CXCL13: variants seen among roughly 807,000 people sequenced by gnomAD.
CXCL13 encodes the protein C-X-C motif chemokine 13.
Under a neutral mutation model 12.2 loss-of-function variants are expected in CXCL13, and 7 were observed. The ratio of observed to expected loss-of-function variants is 0.57; its 90% CI spans 0.33 to 1.07. CXCL13 has a LOEUF of 1.07. CXCL13 is among the 50% of genes least tolerant of loss of function. The probability of loss-of-function intolerance (pLI) is 0.04; values close to 1 mark genes in which losing one functional copy is unlikely to be tolerated. For missense variants in CXCL13, 113 were observed against 127.4 expected (o/e 0.89, Z 0.55); for synonymous variants, 47 against 42.4 (o/e 1.11, Z -0.42).
intron 1 of CXCL13, among the ~76,000 whole-genome samples, chr4:77,522,919 C>G (rs1259596252): frequency 6.6e-6 from 1 of 152,116 alleles, no homozygotes; most frequent in Non-Finnish European, 1.5e-5. Flanking sequence ...GACAAAATCT[C>G]TCAGCATTTG....
chr4:77,516,738 G>C (rs992422557), intron 1 of CXCL13, among the ~76,000 whole-genome samples: 3 of 151,626 alleles, frequency 2.0e-5, no homozygotes, highest in Admixed American at 2.0e-4. Flanking sequence ...TATCAATTTT[G>C]TTGATCCATT....
chr4:77,569,515 A>T (rs186605741), intron 1 of CXCL13, among the ~76,000 whole-genome samples: 2 of 152,286 alleles, frequency 1.3e-5, no homozygotes, highest in East Asian at 3.9e-4. Flanking sequence ...CCCATTCCCA[A>T]CTGCCACACA....
intron 1 of CXCL13, among the ~76,000 whole-genome samples, chr4:77,521,501 T>C (rs1724596652): frequency 6.6e-6 from 1 of 152,180 alleles, no homozygotes; most frequent in South Asian, 2.1e-4. Context: ...GGTTTATTTG[T>C]GTAGAGGTGT....
At chr4:77,518,054 A>G (rs910263430) in intron 1 of CXCL13, among the ~76,000 whole-genome samples, 9 of 152,098 alleles carry the variant, frequency 5.9e-5, no homozygotes, top group African/African-American at 1.9e-4. Flanking sequence ...TCATTTATGA[A>G]GCTTAGTTTG....
At chr4:77,522,224 G>A (rs1421350062) in intron 1 of CXCL13, among the ~76,000 whole-genome samples, 1 of 152,086 alleles carries the variant, frequency 6.6e-6, no homozygotes, top group African/African-American at 2.4e-5. Context: ...TGTCTATTAG[G>A]TCTGCTTGGT....
intron 1 of CXCL13, among the ~76,000 whole-genome samples, chr4:77,599,221 G>A (rs372435611): frequency 1.5e-4 from 23 of 152,266 alleles, no homozygotes; most frequent in African/African-American, 3.1e-4. Flanking sequence ...CTTGGTATCC[G>A]TGAGGATTGG....
chr4:77,570,508 C>T (rs1359719491), intron 1 of CXCL13, among the ~76,000 whole-genome samples: 1 of 152,206 alleles, frequency 6.6e-6, no homozygotes, highest in Non-Finnish European at 1.5e-5. Flanking sequence ...TGCTGGCAGT[C>T]CTCAGAGCCC....
At chr4:77,579,412 G>A (rs577979108) in intron 1 of CXCL13, among the ~76,000 whole-genome samples, 3 of 152,244 alleles carry the variant, frequency 2.0e-5, no homozygotes, top group East Asian at 3.9e-4. Context: ...GCCTCCCAAA[G>A]GTTGTCCTTT....
intron 1 of CXCL13, among the ~76,000 whole-genome samples, chr4:77,521,220 T>A (rs1337188133): frequency 1.3e-5 from 2 of 152,244 alleles, no homozygotes; most frequent in African/African-American, 4.8e-5. Context: ...ATCAGGATGA[T>A]GCTGGCCTCA....
intron 1 of CXCL13, among the ~76,000 whole-genome samples, chr4:77,596,863 G>A (rs140863499): frequency 2.1e-4 from 32 of 151,822 alleles, no homozygotes; most frequent in Middle Eastern, 3.4e-3. Flanking sequence ...GCATCCACAC[G>A]TTCATTGCAG....
At chr4:77,532,247 G>A (rs138010972) in intron 1 of CXCL13, among the ~76,000 whole-genome samples, 5,795 of 152,174 alleles carry the variant, frequency 0.038, 369 homozygotes, top group African/African-American at 0.13. Context: ...GCCTGGTGGT[G>A]ACAAAATCTC....
At chr4:77,553,124 A>G (rs1725573695) in intron 1 of CXCL13, among the ~76,000 whole-genome samples, 1 of 152,124 alleles carries the variant, frequency 6.6e-6, no homozygotes, top group Non-Finnish European at 1.5e-5. Flanking sequence ...TGACACATAC[A>G]CACCTATTCC....
chr4:77,567,389 T>C (rs1725965031), intron 1 of CXCL13, among the ~76,000 whole-genome samples: 1 of 152,182 alleles, frequency 6.6e-6, no homozygotes, highest in Admixed American at 6.5e-5. Context: ...CCAAGACATG[T>C]CCCAAATCTT....
At chr4:77,561,983 C>T (rs568579274) in intron 1 of CXCL13, among the ~76,000 whole-genome samples, 159 of 152,190 alleles carry the variant, frequency 1.0e-3, no homozygotes, top group Middle Eastern at 3.4e-3. Flanking sequence ...GCACTTGGAG[C>T]GGCAAGCAGT....
chr4:77,583,828 G>A (rs1476536910), intron 1 of CXCL13, among the ~76,000 whole-genome samples: 1 of 152,104 alleles, frequency 6.6e-6, no homozygotes, highest in Non-Finnish European at 1.5e-5. Flanking sequence ...GATCTATAAG[G>A]TACTCTTCAT....
At chr4:77,606,000 G>A (rs552022425) in intron 1 of CXCL13, 71 bp downstream of exon 1, 6 of 1,097,420 alleles carry the variant, frequency 5.5e-6, no homozygotes, top group South Asian at 3.5e-5. Flanking sequence ...ATTTTCTTTC[G>A]ATTAAAAACC....
intron 1 of CXCL13, among the ~76,000 whole-genome samples, chr4:77,561,254 T>C (rs1325551361): frequency 6.6e-6 from 1 of 152,232 alleles, no homozygotes; most frequent in Non-Finnish European, 1.5e-5. Context: ...GTTAGAAATG[T>C]AGAAAATTGT....
chr4:77,581,477 T>G (rs1726332642), intron 1 of CXCL13, among the ~76,000 whole-genome samples: 1 of 152,182 alleles, frequency 6.6e-6, no homozygotes, highest in Admixed American at 6.5e-5. Flanking sequence ...TATTCCTGCA[T>G]GGGGAGAAGT....
At chr4:77,543,089 G>T (rs1403482343) in intron 1 of CXCL13, among the ~76,000 whole-genome samples, 1 of 152,014 alleles carries the variant, frequency 6.6e-6, no homozygotes, top group African/African-American at 2.4e-5. Flanking sequence ...ATTCAATCTT[G>T]GGAGATTGTG....
Sources: allele counts gnomAD v4.1 joint callset (sites outside exome capture counted in the v4.1 genomes callset), GRCh38; gene constraint gnomAD v4.1.1; transcripts MANE v1.5; gene names NCBI Gene and HGNC (gene_info 2026-07-23, HGNC 2026-07-21).